PACRG: variants seen among roughly 807,000 people sequenced by gnomAD.
PACRG encodes the protein parkin coregulated, also known as parkin coregulated gene protein.
Under a neutral mutation model 29.7 loss-of-function variants are expected in PACRG, and 29 were observed. That is an observed-to-expected ratio of 0.98 (90% CI 0.73 to 1.33). The LOEUF (loss-of-function observed/expected upper bound fraction) is 1.33. Ranked by LOEUF, PACRG falls within the 40% of genes most tolerant of loss-of-function variation. The probability of loss-of-function intolerance (pLI) is 0.00; values close to 1 mark genes in which losing one functional copy is unlikely to be tolerated. For missense variants in PACRG, 279 were observed against 316.2 expected (o/e 0.88, Z 0.89); for synonymous variants, 116 against 118.7 (o/e 0.98, Z 0.15).
At chr6:162,809,013 C>T (rs779474830) in intron 1 of PACRG, among the ~76,000 whole-genome samples, 31 of 150,196 alleles carry the variant, frequency 2.1e-4, no homozygotes, top group African/African-American at 5.9e-4. Context: ...AATTATATTT[C>T]GCTTGATTTT....
chr6:162,753,588 T>C (rs921420610), intron 1 of PACRG, among the ~76,000 whole-genome samples: 1 of 152,156 alleles, frequency 6.6e-6, no homozygotes, highest in Non-Finnish European at 1.5e-5. Context: ...CATCTCGAAT[T>C]GTAATCTCCA....
chr6:162,890,484 C>A (rs529415047), intron 2 of PACRG, among the ~76,000 whole-genome samples: 2 of 152,188 alleles, frequency 1.3e-5, no homozygotes, highest in African/African-American at 4.8e-5. Context: ...TATGTACCTT[C>A]ACCACAATCA....
In PACRG at chr6:163,313,056, T is replaced by C. The variant is rs968986693; in HGVS notation, c.614-1771T>C. Among the ~76,000 whole-genome samples, 39 of 144,742 alleles carry C rather than the reference T, an allele frequency of 2.7e-4. No individual in the cohort carries two copies. In the Admixed American group the frequency reaches 2.7e-3, roughly 10 times the overall value. 95.0% of individuals were successfully genotyped at this position (144,742 alleles called of 152,430 possible). On this transcript the variant is annotated intron_variant, in intron 4 of 4. Transcript: ENST00000366888. ...CAGGCATGAGTCACTGTATCCAGCA[T>C]CTCTCTCTCTCTCTCTCTCTGTTCC...
intron 2 of PACRG, among the ~76,000 whole-genome samples, chr6:162,825,275 C>T (rs906341496): frequency 3.3e-5 from 5 of 152,114 alleles, no homozygotes; most frequent in Admixed American, 1.3e-4. Context: ...AAAGGTTTAT[C>T]GTGCTTGGGA....
At chr6:162,852,001 G>GGAAGGA (rs1554291923) in intron 2 of PACRG, among the ~76,000 whole-genome samples, 18,154 of 99,102 alleles carry the variant, frequency 0.18, 1,526 homozygotes, top group Non-Finnish European at 0.22. Context: ...GGGAGGGAGG[G>GGAAGGA]AGGGAGGAAG....
intron 2 of PACRG, among the ~76,000 whole-genome samples, chr6:162,870,098 C>T (rs1486051651): frequency 6.6e-6 from 1 of 152,144 alleles, no homozygotes; most frequent in African/African-American, 2.4e-5. Flanking sequence ...CCTGGGAGCC[C>T]CTCCTGGGTT....
At chr6:163,010,508 C>T (rs1466583782) in intron 2 of PACRG, among the ~76,000 whole-genome samples, 2 of 152,148 alleles carry the variant, frequency 1.3e-5, no homozygotes, top group Non-Finnish European at 2.9e-5. Flanking sequence ...ATAGACGGGC[C>T]CTGCCTGCCC....
chr6:162,986,361 G>A (rs1802889927), intron 2 of PACRG, among the ~76,000 whole-genome samples: 1 of 152,060 alleles, frequency 6.6e-6, no homozygotes, highest in Non-Finnish European at 1.5e-5. Flanking sequence ...TATAAAAAAG[G>A]TACATAGACT....
At chr6:163,211,904 C>T (rs980318112) in intron 4 of PACRG, among the ~76,000 whole-genome samples, 1 of 152,136 alleles carries the variant, frequency 6.6e-6, no homozygotes, top group African/African-American at 2.4e-5. Context: ...GTGCAGTCAG[C>T]GTCTACCTGC....
intron 4 of PACRG, among the ~76,000 whole-genome samples, chr6:163,284,234 TG>T (rs1228754293): frequency 9.2e-5 from 14 of 152,262 alleles, no homozygotes; most frequent in African/African-American, 3.1e-4. Flanking sequence ...TTGTCCCTCT[TG>T]CCATCCTGCA....
intron 2 of PACRG, among the ~76,000 whole-genome samples, chr6:163,037,705 C>T (rs1329293212): frequency 6.6e-6 from 1 of 152,176 alleles, no homozygotes; most frequent in Non-Finnish European, 1.5e-5. Flanking sequence ...CAGTCGTCTC[C>T]GGTTACCTAC....
chr6:163,272,207 T>C (rs895080869), intron 4 of PACRG, among the ~76,000 whole-genome samples: 4 of 152,062 alleles, frequency 2.6e-5, no homozygotes, highest in African/African-American at 7.2e-5. Flanking sequence ...CCCAGCTAAT[T>C]TTTGTATTTT....
At position 162,993,039 on chromosome 6, in the gene PACRG, A is replaced by G. The variant is rs1027008230; in HGVS notation, c.292-69111A>G. Among the ~76,000 whole-genome samples, 3 of 144,360 alleles carry G rather than the reference A, an allele frequency of 2.1e-5. 1 individual carries two copies. The highest frequency in any genetic ancestry group is 4.6e-4 in the East Asian group (2 of 4,388). The allele number at this position is 144,360 out of a possible 152,430, so 94.7% of individuals were successfully genotyped here. A position where few individuals can be genotyped will look rare whatever the true frequency, so the allele number is the denominator to read the frequency against. On this transcript the variant is annotated intron_variant, in intron 2 of 4. Coordinates refer to ENST00000366888, the MANE Select transcript of PACRG (RefSeq NM_001080379.2). Reference sequence around the variant, plus strand: ...GGAGCAGGTTGTTCAGTTTCCATGTAGTTGAGCGGCTTTGAGTGAGATTCT... The same window carrying G: ...GGAGCAGGTTGTTCAGTTTCCATGTGGTTGAGCGGCTTTGAGTGAGATTCT...
At chr6:162,864,070 T>C (rs978474850) in intron 2 of PACRG, among the ~76,000 whole-genome samples, 3 of 152,176 alleles carry the variant, frequency 2.0e-5, no homozygotes, top group Admixed American at 6.5e-5. Context: ...TCTCTACTCA[T>C]TGAGTCCCAA....
intron 2 of PACRG, among the ~76,000 whole-genome samples, chr6:162,931,944 A>G (rs1290365526): frequency 6.6e-6 from 1 of 152,060 alleles, no homozygotes; most frequent in Non-Finnish European, 1.5e-5. Flanking sequence ...TGTTCATACA[A>G]TGACTTCGAC....
At chr6:163,162,784 G>A (rs1336784760) in intron 4 of PACRG, among the ~76,000 whole-genome samples, 1 of 152,242 alleles carries the variant, frequency 6.6e-6, no homozygotes, top group Non-Finnish European at 1.5e-5. Flanking sequence ...CCCCAGAGCT[G>A]GCAAGAGCTG....
At chr6:162,959,694 A>G (rs1465888639) in intron 2 of PACRG, among the ~76,000 whole-genome samples, 1 of 152,172 alleles carries the variant, frequency 6.6e-6, no homozygotes, top group Non-Finnish European at 1.5e-5. Context: ...AGTGTAGGAA[A>G]AAGGAGGCCA....
chr6:162,743,974 C>T (rs1236421164), intron 1 of PACRG, among the ~76,000 whole-genome samples: 1 of 151,926 alleles, frequency 6.6e-6, no homozygotes, highest in Non-Finnish European at 1.5e-5. Context: ...AATTATTGTT[C>T]TTGTTATTTA....
intron 4 of PACRG, among the ~76,000 whole-genome samples, chr6:163,196,057 T>C (rs1780439139): frequency 6.6e-6 from 1 of 152,146 alleles, no homozygotes; most frequent in Admixed American, 6.5e-5. Context: ...GCTGGCTCAG[T>C]TTCCTTCAGT....
Sources: gnomAD v4.1 joint callset for allele counts (sites outside exome capture counted in the v4.1 genomes callset) on GRCh38, gnomAD v4.1.1 for gene constraint, MANE v1.5 for transcripts, NCBI Gene and HGNC (gene_info 2026-07-23, HGNC 2026-07-21) for gene names.